The following NYAP2 variants were observed in gnomAD, a reference collection of about 807,000 sequenced individuals.
The protein encoded by NYAP2 is neuronal tyrosine-phosphorylated phosphoinositide-3-kinase adaptor 2.
A neutral mutation model predicts 50.4 loss-of-function variants in NYAP2; 23 were observed. That is an observed-to-expected ratio of 0.46 (90% CI 0.33 to 0.65). NYAP2 has a LOEUF of 0.65. Ranked by LOEUF, NYAP2 falls within the 30% of genes least tolerant of loss-of-function variation. The probability of loss-of-function intolerance (pLI) is 0.02; values close to 1 mark genes in which losing one functional copy is unlikely to be tolerated. For synonymous variants in NYAP2, 394 were observed against 365.2 expected (o/e 1.08, Z -0.90); for missense variants, 885 against 861.0 (o/e 1.03, Z -0.35).
At chr2:225,636,702 T>C (rs72978587) in intron 6 of NYAP2, among the ~76,000 whole-genome samples, 11 of 152,244 alleles carry the variant, frequency 7.2e-5, no homozygotes, top group Non-Finnish European at 1.5e-4. Context: ...GAGATGGAAG[T>C]GACTGTATGT....
chr2:225,513,451 C>T (rs1690869737), exon 4 of NYAP2: 1 of 1,613,972 alleles, frequency 6.2e-7, no homozygotes, highest in Non-Finnish European at 8.5e-7. Flanking sequence ...ACAATGCCTG[C>T]TCCTCAGGAC....
intron 6 of NYAP2, among the ~76,000 whole-genome samples, chr2:225,640,868 T>A (rs1157810418): frequency 6.6e-6 from 1 of 152,202 alleles, no homozygotes. Flanking sequence ...GTATACTATA[T>A]AGATACCCTG....
At chr2:225,554,406 T>C (rs7596137) in intron 4 of NYAP2, among the ~76,000 whole-genome samples, 145,954 of 151,498 alleles carry the variant, frequency 0.96, 70,367 homozygotes, top group East Asian at 1. Flanking sequence ...CTGAAACCTC[T>C]GCCTCCCAGG....
At chr2:225,660,619 G>C in the NYAP2 span, among the ~76,000 whole-genome samples, 1 of 152,016 alleles carries the variant, frequency 6.6e-6, no homozygotes, top group East Asian at 1.9e-4. Flanking sequence ...TGGAAACACA[G>C]CATAACACTA....
intron 3 of NYAP2, among the ~76,000 whole-genome samples, chr2:225,467,918 G>T (rs1029584141): frequency 6.6e-6 from 1 of 152,000 alleles, no homozygotes; most frequent in Non-Finnish European, 1.5e-5. Context: ...GGATAGAGGG[G>T]TGAAAAAAAA....
intron 3 of NYAP2, among the ~76,000 whole-genome samples, chr2:225,452,382 C>T (rs1440321933): frequency 1.3e-5 from 2 of 152,122 alleles, no homozygotes; most frequent in African/African-American, 4.8e-5. Context: ...AAATTTGAAT[C>T]CCTTCTGCCA....
At chr2:225,526,395 G>A (rs1015880860) in intron 4 of NYAP2, among the ~76,000 whole-genome samples, 3 of 152,194 alleles carry the variant, frequency 2.0e-5, no homozygotes, top group Non-Finnish European at 4.4e-5. Context: ...TTCTCAGGTA[G>A]GGGAGGGTGG....
At chr2:225,693,831 G>C in the NYAP2 span, among the ~76,000 whole-genome samples, 2 of 151,978 alleles carry the variant, frequency 1.3e-5, no homozygotes, top group Admixed American at 6.6e-5. Flanking sequence ...ATAACACCAG[G>C]TTCCTCCAAT....
intron 4 of NYAP2, among the ~76,000 whole-genome samples, chr2:225,571,813 G>C (rs915010323): frequency 6.6e-6 from 1 of 152,204 alleles, no homozygotes; most frequent in Non-Finnish European, 1.5e-5. Context: ...GCTGCAACAG[G>C]CTTGAATTTC....
chr2:225,504,867 G>T (rs1690674955), intron 3 of NYAP2, among the ~76,000 whole-genome samples: 1 of 152,020 alleles, frequency 6.6e-6, no homozygotes, highest in Non-Finnish European at 1.5e-5. Context: ...AATTAGCTGG[G>T]TATGGTGGTG....
intron 5 of NYAP2, among the ~76,000 whole-genome samples, chr2:225,614,670 A>G (rs1278513614): frequency 2.6e-5 from 4 of 152,222 alleles, no homozygotes; most frequent in Non-Finnish European, 5.9e-5. Context: ...CATTTTCTTC[A>G]TTAGAAACAC....
intron 4 of NYAP2, among the ~76,000 whole-genome samples, chr2:225,533,026 A>G (rs905547689): frequency 3.3e-5 from 5 of 152,212 alleles, no homozygotes; most frequent in Non-Finnish European, 7.4e-5. Context: ...CAACAGTGAA[A>G]TGAAATCTGT....
At chr2:225,679,792 C>T in the NYAP2 span, among the ~76,000 whole-genome samples, 12 of 152,164 alleles carry the variant, frequency 7.9e-5, no homozygotes, top group Admixed American at 3.3e-4. Flanking sequence ...TGTGCCCGGC[C>T]TGATTTAATT....
At chr2:225,558,073 T>C (rs1423302711) in intron 4 of NYAP2, among the ~76,000 whole-genome samples, 1 of 152,186 alleles carries the variant, frequency 6.6e-6, no homozygotes, top group African/African-American at 2.4e-5. Flanking sequence ...GATCCTATGA[T>C]ATGACCCTCC....
downstream of NYAP2, among the ~76,000 whole-genome samples, chr2:225,655,913 C>T (rs1287295308): frequency 6.8e-6 from 1 of 147,432 alleles, no homozygotes; most frequent in African/African-American, 2.5e-5. Flanking sequence ...CACACACACA[C>T]ACACACACAC....
chr2:225,441,787 CAG>C (rs1689474776), intron 3 of NYAP2, among the ~76,000 whole-genome samples: 1 of 152,312 alleles, frequency 6.6e-6, no homozygotes, highest in African/African-American at 2.4e-5. Flanking sequence ...AGTGGGGACA[CAG>C]AGCCAAACCA....
intron 3 of NYAP2, among the ~76,000 whole-genome samples, chr2:225,414,836 T>C (rs1422265605): frequency 6.6e-6 from 1 of 152,184 alleles, no homozygotes; most frequent in Non-Finnish European, 1.5e-5. Flanking sequence ...AACTGGTCCC[T>C]GCACTGTCTG....
intron 6 of NYAP2, among the ~76,000 whole-genome samples, chr2:225,632,251 T>C (rs1417565967): frequency 6.6e-6 from 1 of 152,216 alleles, no homozygotes; most frequent in Non-Finnish European, 1.5e-5. Context: ...TAACTGTTTC[T>C]CCTCCTTCTC....
intron 3 of NYAP2, among the ~76,000 whole-genome samples, chr2:225,475,697 G>A (rs893969032): frequency 6.6e-6 from 1 of 152,160 alleles, no homozygotes; most frequent in African/African-American, 2.4e-5. Context: ...AGTAGAGAGA[G>A]CCAGAGAGTA....
Sources: allele counts gnomAD v4.1 joint callset (sites outside exome capture counted in the v4.1 genomes callset), GRCh38; gene constraint gnomAD v4.1.1; transcripts MANE v1.5; gene names NCBI Gene and HGNC (gene_info 2026-07-23, HGNC 2026-07-21).